The following MMP26 variants were observed in gnomAD, a reference collection of about 807,000 sequenced individuals.
MMP26 encodes the protein matrix metalloproteinase-26.
MMP26 carries 33 observed loss-of-function variants against 31.0 expected under a neutral mutation model. The observed-to-expected ratio is 1.06, with a 90% confidence interval of 0.81 to 1.42. The LOEUF is 1.42. Among genes scored for constraint, MMP26 ranks in the 40% most tolerant of loss-of-function variants. The pLI, the probability that MMP26 is intolerant of heterozygous loss-of-function variation, is 0.00. For synonymous variants in MMP26, 122 were observed against 114.9 expected, an observed-to-expected ratio of 1.06 and a Z score of -0.40; for missense variants, 347 against 316.1, an observed-to-expected ratio of 1.10 and a Z score of -0.74.
intron 2 of MMP26, among the ~76,000 whole-genome samples, chr11:4,897,167 G>A (rs1297713718): frequency 6.6e-6 from 1 of 151,882 alleles, no homozygotes; most frequent in Non-Finnish European, 1.5e-5. Context: ...TTTGGATGGA[G>A]TCTCACTCTG....
chr11:4,887,301 C>T (rs1451477004), intron 2 of MMP26, among the ~76,000 whole-genome samples: 4 of 151,850 alleles, frequency 2.6e-5, no homozygotes, highest in Admixed American at 2.6e-4. Flanking sequence ...TTTTAGTAAT[C>T]ACAAAAGAAA....
intron 2 of MMP26, among the ~76,000 whole-genome samples, chr11:4,896,924 T>A (rs998765553): frequency 6.6e-6 from 1 of 152,216 alleles, no homozygotes; most frequent in Admixed American, 6.5e-5. Flanking sequence ...TTCTTCTTGA[T>A]GAACTGACCT....
chr11:4,924,419 C>A (rs1851239762), intron 2 of MMP26: 1 of 1,410,200 alleles, frequency 7.1e-7, no homozygotes, highest in South Asian at 1.4e-5. Context: ...TCTCACTCAC[C>A]TAAATGTCCC....
intron 1 of MMP26, among the ~76,000 whole-genome samples, chr11:4,717,876 G>A (rs981858055): frequency 2.0e-5 from 3 of 152,110 alleles, no homozygotes; most frequent in Admixed American, 6.5e-5. Flanking sequence ...TGTAAAAAAC[G>A]TTGACTTGGG....
intron 2 of MMP26, among the ~76,000 whole-genome samples, chr11:4,789,162 G>C (rs78674520): frequency 2.9e-3 from 448 of 152,284 alleles, no homozygotes; most frequent in African/African-American, 0.01. Flanking sequence ...GACATGTGGG[G>C]ATGTTGAATA....
chr11:4,921,368 A>G (rs1851181815), intron 2 of MMP26, among the ~76,000 whole-genome samples: 1 of 152,224 alleles, frequency 6.6e-6, no homozygotes, highest in African/African-American at 2.4e-5. Flanking sequence ...TAGGTTGTAA[A>G]CATGGATAAA....
At chr11:4,871,438 ATAG>A (rs1318845695) in intron 2 of MMP26, among the ~76,000 whole-genome samples, 1 of 152,112 alleles carries the variant, frequency 6.6e-6, no homozygotes, top group Non-Finnish European at 1.5e-5. Context: ...GTATTTCAAT[ATAG>A]TTAGTGATGC....
At chr11:4,801,504 TTTTATTTATTTATTTATTTATTTATTTA>T (rs141208345) in intron 2 of MMP26, among the ~76,000 whole-genome samples, 2 of 135,722 alleles carry the variant, frequency 1.5e-5, no homozygotes, top group African/African-American at 2.8e-5. Flanking sequence ...GTCCCGGACT[TTTTATTTATTTATTTATTTATTTATTTA>T]TTTATTTATT....
intron 2 of MMP26, chr11:4,947,004 T>C: frequency 1.3e-6 from 2 of 1,588,230 alleles, no homozygotes; most frequent in Non-Finnish European, 1.7e-6. Context: ...ATGCTGCAGA[T>C]GGGGATAGAG....
At chr11:4,729,591 T>C (rs1361294651) in intron 1 of MMP26, among the ~76,000 whole-genome samples, 1 of 152,120 alleles carries the variant, frequency 6.6e-6, no homozygotes, top group Non-Finnish European at 1.5e-5. Flanking sequence ...TTCAGCTCCT[T>C]GGAGGTATTG....
intron 2 of MMP26, among the ~76,000 whole-genome samples, chr11:4,852,429 A>T (rs73403087): frequency 0.012 from 1,811 of 152,256 alleles, 21 homozygotes; most frequent in African/African-American, 0.042. Context: ...TGTGTGAAGA[A>T]CTGTAGGCTG....
At chr11:4,847,017 T>G (rs1849880317) in intron 2 of MMP26, among the ~76,000 whole-genome samples, 1 of 152,218 alleles carries the variant, frequency 6.6e-6, no homozygotes. Flanking sequence ...GCTCTGAATT[T>G]GGCTCAGGTT....
intron 1 of MMP26, among the ~76,000 whole-genome samples, chr11:4,758,197 T>G (rs770961105): frequency 6.6e-6 from 1 of 152,170 alleles, no homozygotes; most frequent in Non-Finnish European, 1.5e-5. Flanking sequence ...TAATAAGTGC[T>G]ACAATATGGA....
Position 4,835,203 on chromosome 11 carries a change from GACAC to G in MMP26, c.-145+67890_-145+67893del, listed in dbSNP as rs3064937. On this transcript the variant is annotated intron_variant, in intron 2 of 7. Transcript: ENST00000380390. ...TCTCTCTCTCTTCCTCTCTCTTTCT[GACAC>G]ACACACACACACACACACACACACA... Among the ~76,000 whole-genome samples the G allele has an allele frequency of 6.0e-3, 860 of 143,224 alleles. 7 individuals are homozygous for G. The highest frequency in any genetic ancestry group is 0.019 in the African/African-American group (731 of 37,758). The allele number at this position is 143,224 out of a possible 152,430, so 94.0% of individuals were successfully genotyped here. A position where few individuals can be genotyped will look rare whatever the true frequency, so the allele number is the denominator to read the frequency against.
chr11:4,792,802 C>G (rs1322529680), intron 2 of MMP26, among the ~76,000 whole-genome samples: 1 of 152,098 alleles, frequency 6.6e-6, no homozygotes, highest in Non-Finnish European at 1.5e-5. Context: ...GGTGGACATA[C>G]AGAGAAAAGA....
intron 2 of MMP26, chr11:4,871,879 T>C (rs2133527228): frequency 6.6e-6 from 1 of 152,228 alleles, no homozygotes; most frequent in African/African-American, 2.4e-5. Context: ...GGAGATTGCG[T>C]GTTGAGCCCA....
chr11:4,860,481 C>A (rs1055761467), intron 2 of MMP26: 1 of 470,984 alleles, frequency 2.1e-6, no homozygotes, highest in African/African-American at 2.0e-5. Flanking sequence ...GAAAGGCCAA[C>A]CATGGGTTCT....
intron 1 of MMP26, among the ~76,000 whole-genome samples, chr11:4,721,595 G>T (rs1286647552): frequency 1.3e-5 from 2 of 152,146 alleles, no homozygotes; most frequent in African/African-American, 4.8e-5. Context: ...CTGTTCATGA[G>T]TGGATTTTTT....
At chr11:4,833,529 T>A (rs946248955) in intron 2 of MMP26, among the ~76,000 whole-genome samples, 1 of 152,224 alleles carries the variant, frequency 6.6e-6, no homozygotes, top group South Asian at 2.1e-4. Context: ...TCTAAGTATG[T>A]TCTTTACTTT....
Sources: allele counts gnomAD v4.1 joint callset (sites outside exome capture counted in the v4.1 genomes callset), GRCh38; gene constraint gnomAD v4.1.1; transcripts MANE v1.5; gene names NCBI Gene and HGNC (gene_info 2026-07-23, HGNC 2026-07-21).